FRMPD4: variants seen among roughly 807,000 people sequenced by gnomAD.
The protein encoded by FRMPD4 is FERM and PDZ domain containing 4.
In FRMPD4, 22 loss-of-function variants were observed where a neutral mutation model predicts 94.1. The ratio of observed to expected loss-of-function variants is 0.23; its 90% confidence interval spans 0.17 to 0.33. FRMPD4 has a LOEUF of 0.33. Among genes scored for constraint, FRMPD4 ranks in the 10% least tolerant of loss-of-function variants. The pLI is 1.00. For missense variants in FRMPD4, 1,111 were observed against 1,339.9 expected (o/e 0.83, Z 2.67); for synonymous variants, 631 against 548.6 (o/e 1.15, Z -2.10).
At chrX:11,969,020 T>C (rs1371074053) in intron 3 of FRMPD4, among the ~76,000 whole-genome samples, 1 of 112,395 alleles carries the variant, frequency 8.9e-6, no homozygotes, top group Non-Finnish European at 1.9e-5. Context: ...AGTGAAATTA[T>C]TTCTGTCACT....
chrX:12,183,124 A>G (rs752494529), intron 1 of FRMPD4, among the ~76,000 whole-genome samples: 1 of 110,090 alleles, frequency 9.1e-6, no homozygotes, highest in South Asian at 3.8e-4. Flanking sequence ...CTATCTATCT[A>G]TATATATATA....
intron 2 of FRMPD4, among the ~76,000 whole-genome samples, chrX:12,539,181 G>C (rs1009672152): frequency 1.8e-5 from 2 of 112,125 alleles, no homozygotes; most frequent in African/African-American, 6.5e-5. Flanking sequence ...GGAAGAAAGT[G>C]TATCAGTGAC....
intron 1 of FRMPD4, among the ~76,000 whole-genome samples, chrX:12,490,834 ATTT>A (rs780787567): frequency 1.7e-3 from 187 of 111,082 alleles, no homozygotes; most frequent in African/African-American, 5.7e-3. Flanking sequence ...CTGCATATTG[ATTT>A]TTTTTATTTT....
chrX:12,372,588 C>T (rs926452534), intron 1 of FRMPD4, among the ~76,000 whole-genome samples: 3 of 112,456 alleles, frequency 2.7e-5, no homozygotes, highest in Admixed American at 9.4e-5. Context: ...AGTATTTCCT[C>T]GTCTTCCAAA....
intron 3 of FRMPD4, among the ~76,000 whole-genome samples, chrX:12,130,899 G>A (rs1008497863): frequency 3.6e-5 from 4 of 111,835 alleles, no homozygotes; most frequent in Admixed American, 1.9e-4. Context: ...AGGCTTTGTC[G>A]GTTATTTGAA....
intron 3 of FRMPD4, among the ~76,000 whole-genome samples, chrX:12,613,325 A>G (rs1330250869): frequency 8.9e-6 from 1 of 111,836 alleles, no homozygotes; most frequent in Non-Finnish European, 1.9e-5. Context: ...AATTATAGGA[A>G]CAAATTCAAA....
intron 1 of FRMPD4, among the ~76,000 whole-genome samples, chrX:11,836,847 G>A (rs1395239462): frequency 9.0e-6 from 1 of 111,549 alleles, no homozygotes; most frequent in Non-Finnish European, 1.9e-5. Context: ...ATGCACATGA[G>A]GAAATTTAAA....
intron 1 of FRMPD4, among the ~76,000 whole-genome samples, chrX:12,268,076 T>G (rs1231738912): frequency 8.9e-6 from 1 of 112,608 alleles, no homozygotes; most frequent in African/African-American, 3.2e-5. Context: ...GCTCCTTTCA[T>G]CTGATAGATC....
chrX:12,346,498 A>T (rs1019133732), intron 1 of FRMPD4, among the ~76,000 whole-genome samples: 1 of 111,572 alleles, frequency 9.0e-6, no homozygotes, highest in Non-Finnish European at 1.9e-5. Flanking sequence ...ATTGCCATAT[A>T]TGTAAAACTG....
chrX:12,069,089 G>A (rs1003304949), intron 3 of FRMPD4, among the ~76,000 whole-genome samples: 1 of 111,785 alleles, frequency 8.9e-6, no homozygotes, highest in Non-Finnish European at 1.9e-5. Flanking sequence ...CTCCAATAGC[G>A]TAACATTTGA....
At chrX:12,440,384 A>G (rs1372422829) in intron 1 of FRMPD4, among the ~76,000 whole-genome samples, 1 of 111,434 alleles carries the variant, frequency 9.0e-6, no homozygotes, top group Non-Finnish European at 1.9e-5. Context: ...CCTGTAAGGG[A>G]GTAGGAAGAG....
chrX:12,441,612 G>C (rs1276552747), intron 1 of FRMPD4, among the ~76,000 whole-genome samples: 1 of 111,745 alleles, frequency 8.9e-6, no homozygotes, highest in Non-Finnish European at 1.9e-5. Flanking sequence ...AGGCAATAAG[G>C]AGCAAACTGA....
chrX:11,852,598 G>T (rs1247283216), intron 1 of FRMPD4, among the ~76,000 whole-genome samples: 1 of 110,991 alleles, frequency 9.0e-6, no homozygotes, highest in Non-Finnish European at 1.9e-5. Context: ...ACTATGCAGG[G>T]GTTACAATCC....
In FRMPD4 at chrX:12,382,530, G is replaced by GAGCATAGCATAGCATAGCATAGCAT. The variant is rs59601417; in HGVS notation, c.42-116125_42-116101dup. Among the ~76,000 whole-genome samples, 23 of 45,581 alleles carry GAGCATAGCATAGCATAGCATAGCAT rather than the reference G, an allele frequency of 5.0e-4. 1 individual carries two copies. Among genetic ancestry groups the GAGCATAGCATAGCATAGCATAGCAT allele is most frequent in the South Asian group, 2.8e-3 (2 of 716 alleles). The allele number at this position is 45,581 out of a possible 115,157, so 39.6% of individuals were successfully genotyped here. On this transcript the variant is annotated intron_variant, in intron 1 of 16. Transcript: ENST00000675598. ...GCATAGCATAGCATAGCATAGCATAGAGCATAGCATAGCATAGCATAGCAT... is the reference window on the plus strand; with the variant it reads ...GCATAGCATAGCATAGCATAGCATAGAGCATAGCATAGCATAGCATAGCATAGCATAGCATAGCATAGCATAGCAT...
chrX:12,302,957 G>A (rs2054883065), intron 1 of FRMPD4, among the ~76,000 whole-genome samples: 1 of 111,652 alleles, frequency 9.0e-6, no homozygotes, highest in African/African-American at 3.3e-5. Flanking sequence ...CAGTATGGTT[G>A]CAAGATGGTC....
At chrX:12,085,363 CT>C (rs1217157206) in intron 3 of FRMPD4, among the ~76,000 whole-genome samples, 2 of 111,198 alleles carry the variant, frequency 1.8e-5, no homozygotes, top group East Asian at 5.6e-4. Context: ...AATAATACCC[CT>C]TAATGAATTT....
intron 3 of FRMPD4, among the ~76,000 whole-genome samples, chrX:11,950,096 G>A (rs896993619): frequency 9.0e-6 from 1 of 111,273 alleles, no homozygotes; most frequent in African/African-American, 3.3e-5. Context: ...GGATCATGGG[G>A]ATGTTTTTTC....
intron 1 of FRMPD4, among the ~76,000 whole-genome samples, chrX:12,140,284 G>A (rs1228598247): frequency 4.5e-5 from 5 of 112,321 alleles, no homozygotes; most frequent in African/African-American, 1.3e-4. Flanking sequence ...ATACGCAGTT[G>A]ATGGGTAAAT....
intron 1 of FRMPD4, among the ~76,000 whole-genome samples, chrX:12,369,287 G>A (rs1025588547): frequency 6.6e-5 from 7 of 106,607 alleles, no homozygotes; most frequent in Non-Finnish European, 1.3e-4. Context: ...ATGACACCAC[G>A]CAAGTAACTG....
Sources: gnomAD v4.1 joint callset for allele counts (sites outside exome capture counted in the v4.1 genomes callset) on GRCh38, gnomAD v4.1.1 for gene constraint, MANE v1.5 for transcripts, NCBI Gene and HGNC (gene_info 2026-07-23, HGNC 2026-07-21) for gene names.